CALN1: variants seen among roughly 807,000 people sequenced by gnomAD.
The protein encoded by CALN1 is calneuron 1.
CALN1 carries 17 observed loss-of-function variants against 30.6 expected under a neutral mutation model. The ratio of observed to expected loss-of-function variants is 0.56; its 90% CI spans 0.38 to 0.83. The LOEUF is 0.83. Among genes scored for constraint, CALN1 ranks in the 40% least tolerant of loss-of-function variants. CALN1 has a pLI of 0.00. For synonymous variants in CALN1, 156 were observed against 131.4 expected (o/e 1.19, Z -1.28); for missense variants, 291 against 354.9 (o/e 0.82, Z 1.45).
At chr7:72,076,649 C>CAAAGACAT (rs1554432405) in intron 4 of CALN1, among the ~76,000 whole-genome samples, 4 of 47,840 alleles carry the variant, frequency 8.4e-5, no homozygotes, top group African/African-American at 3.2e-4. Context: ...AAAAAAAAAG[C>CAAAGACAT]AAAGACATGC....
chr7:72,221,382 AT>A (rs1415027301), intron 3 of CALN1, among the ~76,000 whole-genome samples: 10 of 123,882 alleles, frequency 8.1e-5, no homozygotes, highest in African/African-American at 3.2e-4. Context: ...CAGTGGCGTG[AT>A]TTTGGCTCAC....
At chr7:71,930,798 G>C (rs1002604241) in intron 5 of CALN1, among the ~76,000 whole-genome samples, 2 of 152,152 alleles carry the variant, frequency 1.3e-5, no homozygotes, top group Non-Finnish European at 2.9e-5. Context: ...CTTCTCACAT[G>C]CTGTTTTCTG....
chr7:72,238,054 A>G (rs1385449139), intron 3 of CALN1, among the ~76,000 whole-genome samples: 4 of 152,208 alleles, frequency 2.6e-5, no homozygotes, highest in Non-Finnish European at 5.9e-5. Context: ...AAAACAAGGA[A>G]GCCCTACAGA....
chr7:72,181,486 CT>C (rs770286700), intron 3 of CALN1, among the ~76,000 whole-genome samples: 278 of 94,250 alleles, frequency 2.9e-3, no homozygotes, highest in Admixed American at 4.0e-3. Context: ...ATTTCCATAA[CT>C]TTTTTTTTTT....
At chr7:72,433,335 T>C (rs922287154) in intron 1 of CALN1, among the ~76,000 whole-genome samples, 6 of 152,110 alleles carry the variant, frequency 3.9e-5, no homozygotes, top group Non-Finnish European at 7.4e-5. Context: ...ACTCTTAGCA[T>C]GCATCAGCTG....
intron 3 of CALN1, among the ~76,000 whole-genome samples, chr7:72,187,597 C>G (rs970918790): frequency 6.6e-6 from 1 of 152,090 alleles, no homozygotes; most frequent in Non-Finnish European, 1.5e-5. Context: ...AGTTTTATCC[C>G]AAAACCATCC....
intron 3 of CALN1, among the ~76,000 whole-genome samples, chr7:72,230,342 T>TTAAAAAAAAA (rs778951222): frequency 3.2e-5 from 4 of 124,860 alleles, no homozygotes; most frequent in Admixed American, 8.4e-5. Flanking sequence ...CAATAGATAC[T>TTAAAAAAAAA]AAAAAAAAAA....
intron 4 of CALN1, among the ~76,000 whole-genome samples, chr7:72,065,340 C>T (rs542692410): frequency 6.6e-6 from 1 of 152,086 alleles, no homozygotes; most frequent in African/African-American, 2.4e-5. Context: ...CTCTACTTTC[C>T]ATCAAACTCT....
the CALN1 span, among the ~76,000 whole-genome samples, chr7:72,462,592 C>T: frequency 2.6e-5 from 4 of 152,206 alleles, no homozygotes; most frequent in Non-Finnish European, 4.4e-5. Context: ...AGGTCGCAGT[C>T]CAAATGGGCT....
intron 5 of CALN1, among the ~76,000 whole-genome samples, chr7:72,022,489 C>A (rs1349762897): frequency 6.6e-6 from 1 of 152,226 alleles, no homozygotes; most frequent in African/African-American, 2.4e-5. Context: ...AACTCCTGGG[C>A]TCAAGCGATC....
intron 3 of CALN1, among the ~76,000 whole-genome samples, chr7:72,133,351 C>T (rs1056162645): frequency 2.6e-5 from 4 of 152,078 alleles, no homozygotes; most frequent in Admixed American, 6.6e-5. Context: ...TAAACAATAA[C>T]GGCAGTAGCT....
At chr7:72,087,033 A>C (rs1338448283) in intron 4 of CALN1, among the ~76,000 whole-genome samples, 1 of 152,240 alleles carries the variant, frequency 6.6e-6, no homozygotes, top group Non-Finnish European at 1.5e-5. Flanking sequence ...GTAAACTACA[A>C]GTAAGATATT....
At chr7:71,811,490 A>C (rs1787955238) in intron 5 of CALN1, among the ~76,000 whole-genome samples, 1 of 151,974 alleles carries the variant, frequency 6.6e-6, no homozygotes, top group Admixed American at 6.6e-5. Flanking sequence ...TACAGGTGTA[A>C]GCCACTGTGC....
At chr7:72,408,383 T>C (rs1806851049) in intron 1 of CALN1, among the ~76,000 whole-genome samples, 1 of 151,876 alleles carries the variant, frequency 6.6e-6, no homozygotes, top group Admixed American at 6.6e-5. Flanking sequence ...AGGTGGAGGT[T>C]GCAGTGAGCT....
intron 1 of CALN1, among the ~76,000 whole-genome samples, chr7:72,436,357 T>C (rs1449968771): frequency 6.6e-6 from 1 of 152,228 alleles, no homozygotes; most frequent in Non-Finnish European, 1.5e-5. Context: ...ACAAATTCTC[T>C]CTTGTCTGCT....
At chr7:71,812,174 GA>G (rs1165988133) in intron 5 of CALN1, among the ~76,000 whole-genome samples, 1 of 152,200 alleles carries the variant, frequency 6.6e-6, no homozygotes, top group Non-Finnish European at 1.5e-5. Context: ...ACCTACAGCT[GA>G]ATCACAATGG....
chr7:72,031,326 T>C (rs559238697), intron 4 of CALN1, among the ~76,000 whole-genome samples: 3 of 152,174 alleles, frequency 2.0e-5, no homozygotes, highest in Admixed American at 2.0e-4. Context: ...CCATTCTTCA[T>C]CATTTCAGAG....
intron 5 of CALN1, among the ~76,000 whole-genome samples, chr7:71,968,676 C>T (rs150242252): frequency 4.6e-5 from 7 of 151,844 alleles, no homozygotes; most frequent in African/African-American, 1.4e-4. Flanking sequence ...GCCACCGTGC[C>T]GGGACCCGGG....
the CALN1 span, among the ~76,000 whole-genome samples, chr7:72,497,162 G>A: frequency 1.3e-5 from 2 of 152,236 alleles, no homozygotes; most frequent in African/African-American, 2.4e-5. Flanking sequence ...AGACTTGGCC[G>A]GGCACAGTGG....
Sources: gnomAD v4.1 joint callset for allele counts (sites outside exome capture counted in the v4.1 genomes callset) on GRCh38, gnomAD v4.1.1 for gene constraint, MANE v1.5 for transcripts, NCBI Gene and HGNC (gene_info 2026-07-23, HGNC 2026-07-21) for gene names.